ACYP2: variants seen among roughly 807,000 people sequenced by gnomAD.
ACYP2 encodes the protein acylphosphatase-2.
A neutral mutation model predicts 11.2 loss-of-function variants in ACYP2; 12 were observed. The observed-to-expected ratio is 1.08, with a 90% CI of 0.69 to 1.74. ACYP2 has a LOEUF of 1.74. ACYP2 is among the 40% of genes most tolerant of loss of function. The probability of loss-of-function intolerance (pLI) is 0.00; values close to 1 mark genes in which losing one functional copy is unlikely to be tolerated. For missense variants in ACYP2, 134 were observed against 101.9 expected, an observed-to-expected ratio of 1.31 and a Z score of -1.35; for synonymous variants, 43 against 32.2, an observed-to-expected ratio of 1.33 and a Z score of -1.13.
chr2:54,209,915 C>T (rs185557058), intron 6 of ACYP2, among the ~76,000 whole-genome samples: 4 of 152,050 alleles, frequency 2.6e-5, no homozygotes, highest in South Asian at 2.1e-4. Context: ...CTGAGGCTGG[C>T]GGATCGCTTG....
chr2:54,138,095 C>CTGTT (rs10695158), intron 5 of ACYP2, among the ~76,000 whole-genome samples: 74,353 of 151,590 alleles, frequency 0.49, 18,378 homozygotes, highest in African/African-American at 0.54. Context: ...TGAGAAGTGT[C>CTGTT]CATGTCCTTG....
chr2:54,212,290 C>G (rs1685359300), intron 6 of ACYP2, among the ~76,000 whole-genome samples: 1 of 152,154 alleles, frequency 6.6e-6, no homozygotes, highest in Admixed American at 6.5e-5. Context: ...TTTGGAAAAT[C>G]AAGTGGATGG....
At chr2:54,300,649 G>A (rs1689688248) in intron 6 of ACYP2, among the ~76,000 whole-genome samples, 1 of 152,158 alleles carries the variant, frequency 6.6e-6, no homozygotes, top group Non-Finnish European at 1.5e-5. Context: ...ATTGTTAAAT[G>A]TGACAGCACT....
At chr2:54,199,510 A>G (rs1180560055) in intron 6 of ACYP2, among the ~76,000 whole-genome samples, 1 of 152,198 alleles carries the variant, frequency 6.6e-6, no homozygotes, top group Non-Finnish European at 1.5e-5. Flanking sequence ...TGGTGAGAGA[A>G]GACAGGATAG....
At chr2:54,243,762 A>T (rs1686831282) in intron 6 of ACYP2, among the ~76,000 whole-genome samples, 1 of 152,014 alleles carries the variant, frequency 6.6e-6, no homozygotes, top group Non-Finnish European at 1.5e-5. Context: ...TTTAGTAGAG[A>T]TGGGGTTTTA....
intron 4 of ACYP2, among the ~76,000 whole-genome samples, chr2:54,111,312 A>C (rs1679447973): frequency 6.6e-6 from 1 of 152,072 alleles, no homozygotes; most frequent in South Asian, 2.1e-4. Context: ...GGATTTCAAA[A>C]GTACTTGTTT....
chr2:54,097,369 G>A (rs1678647863), intron 4 of ACYP2, among the ~76,000 whole-genome samples: 1 of 152,188 alleles, frequency 6.6e-6, no homozygotes, highest in Non-Finnish European at 1.5e-5. Flanking sequence ...TCTACACAGT[G>A]TCTCATGCAT....
intron 2 of ACYP2, chr2:54,029,795 A>G: frequency 1.7e-6 from 1 of 575,400 alleles, no homozygotes. Flanking sequence ...AGCCATGGTG[A>G]CACTTGGGGG....
chr2:54,255,416 G>GA lies in ACYP2; in HGVS notation c.405-49270dup, dbSNP rs1558647018. 2.5e-6 allele frequency: 4 copies of GA among 1,613,974 alleles called. No homozygotes were observed. In the South Asian group the frequency reaches 4.4e-5, roughly 18 times the overall value. The stretch of plus-strand genomic sequence containing the variant: ...GTGACCCAGAAGCCCGGGATATTGC[G>GA]AATGATGTCATTCCTCTGCTCCAGG... On this transcript the variant is annotated intron_variant, in intron 6 of 6. Coordinates refer to ENST00000607452, the MANE Select transcript of ACYP2 (RefSeq NM_001320586.2).
chr2:53,987,650 A>G (rs1471469111), intron 2 of ACYP2, among the ~76,000 whole-genome samples: 1 of 152,170 alleles, frequency 6.6e-6, no homozygotes, highest in Non-Finnish European at 1.5e-5. Flanking sequence ...TGATGTTGTC[A>G]CTGCTTTTTA....
chr2:54,043,449 T>C (rs747571673), intron 2 of ACYP2, among the ~76,000 whole-genome samples: 3 of 152,264 alleles, frequency 2.0e-5, no homozygotes, highest in Admixed American at 6.5e-5. Flanking sequence ...AACAGTTCCA[T>C]AGAACAAAGA....
At position 54,089,092 on chromosome 2, in the gene ACYP2, C is replaced by G. The variant is rs1459773513; in HGVS notation, c.277+31732C>G. ...TTCTTGGGAAAACTAGAGCTGCTCT[C>G]GAAATGGAGTTGAGAAAGTTTGTTC... is the stretch of plus-strand genomic sequence containing the variant. On this transcript the variant is annotated intron_variant, in intron 4 of 6. Transcript: ENST00000607452. Among the ~76,000 whole-genome samples the G allele has an allele frequency of 2.0e-5, 3 of 152,264 alleles. No individual in the cohort carries two copies. The South Asian group carries it at 6.2e-4, about 32-fold the overall frequency.
intron 4 of ACYP2, among the ~76,000 whole-genome samples, chr2:54,110,969 G>C (rs1444599567): frequency 6.6e-6 from 1 of 152,012 alleles, no homozygotes; most frequent in Non-Finnish European, 1.5e-5. Flanking sequence ...ATCACTGGTA[G>C]GGCAGAGATA....
chr2:54,004,782 G>A (rs763266458), intron 2 of ACYP2, among the ~76,000 whole-genome samples: 25 of 150,738 alleles, frequency 1.7e-4, no homozygotes, highest in African/African-American at 5.8e-4. Context: ...TGTCTCAGCC[G>A]TGTGTGGGAG....
At chr2:54,084,710 CA>C (rs199563716) in intron 4 of ACYP2, 11,074 of 152,266 alleles carry the variant, frequency 0.073, 570 homozygotes, top group Non-Finnish European at 0.11. Context: ...TAACAATTAA[CA>C]GTATTATTTA....
intron 6 of ACYP2, among the ~76,000 whole-genome samples, chr2:54,261,960 TAA>T (rs1253232669): frequency 1.3e-5 from 2 of 152,154 alleles, no homozygotes; most frequent in African/African-American, 4.8e-5. Context: ...TAAATATAGA[TAA>T]GAGAGGAGAA....
At chr2:54,010,737 C>CTTTTTTTTTTTTTT (rs539896151) in intron 2 of ACYP2, among the ~76,000 whole-genome samples, 85 of 107,600 alleles carry the variant, frequency 7.9e-4, no homozygotes, top group East Asian at 1.2e-3. Context: ...TTCTTTCTTT[C>CTTTTTTTTTTTTTT]TTTTTTTTTT....
At chr2:54,243,070 GC>G (rs1391335993) in intron 6 of ACYP2, among the ~76,000 whole-genome samples, 1 of 152,104 alleles carries the variant, frequency 6.6e-6, no homozygotes, top group Non-Finnish European at 1.5e-5. Context: ...AGGGAGATTA[GC>G]CCTTTGTCTG....
At chr2:54,052,333 C>A (rs1338739259) in intron 3 of ACYP2, among the ~76,000 whole-genome samples, 2 of 152,040 alleles carry the variant, frequency 1.3e-5, no homozygotes, top group African/African-American at 2.4e-5. Context: ...CTTTAGATAA[C>A]CCTGTCCTGG....
Sources: allele counts gnomAD v4.1 joint callset (sites outside exome capture counted in the v4.1 genomes callset), GRCh38; gene constraint gnomAD v4.1.1; transcripts MANE v1.5; gene names NCBI Gene and HGNC (gene_info 2026-07-23, HGNC 2026-07-21).